NEB: variants seen among roughly 807,000 people sequenced by gnomAD.
NEB encodes nebulin, also known as nemaline myopathy type 2.
In NEB, 512 loss-of-function variants were observed where a neutral mutation model predicts 952.2. The observed-to-expected ratio is 0.54, with a 90% CI of 0.50 to 0.58. NEB has a LOEUF of 0.58. Among genes scored for constraint, NEB ranks in the 20% least tolerant of loss-of-function variants. The pLI is 0.00. For missense variants in NEB, 8,428 were observed against 9,231.1 expected (o/e 0.91, Z 3.56); for synonymous variants, 2,900 against 3,149.8 (o/e 0.92, Z 2.66).
At chr2:151,554,692 GTTTTTACTGTACCTT>G (rs1374844523) in intron 125 of NEB, among the ~76,000 whole-genome samples, 1 of 152,210 alleles carries the variant, frequency 6.6e-6, no homozygotes, top group Non-Finnish European at 1.5e-5. Context: ...ATAATGCTGA[GTTTTTACTGTACCTT>G]TTCTATGTTT....
intron 71 of NEB, among the ~76,000 whole-genome samples, chr2:151,621,904 T>C (rs931998717): frequency 6.6e-6 from 1 of 152,250 alleles, no homozygotes; most frequent in Non-Finnish European, 1.5e-5. Flanking sequence ...AAAAATTTAT[T>C]GGATCTCTTA....
intron 54 of NEB, among the ~76,000 whole-genome samples, chr2:151,646,523 G>C (rs1007960028): frequency 3.3e-5 from 5 of 152,136 alleles, no homozygotes; most frequent in African/African-American, 4.8e-5. Context: ...AATGAAACAG[G>C]CTTCTCCATC....
chr2:151,505,659 A>G, intron 164 of NEB, 89 bp from the exon 165 acceptor site: 2 of 1,041,076 alleles, frequency 1.9e-6, no homozygotes, highest in Admixed American at 3.5e-5. Context: ...GTAGCCCCCA[A>G]ATTAAAAAAA....
chr2:151,555,521 A>AG (rs2095595767), intron 124 of NEB, among the ~76,000 whole-genome samples: 1 of 152,194 alleles, frequency 6.6e-6, no homozygotes, highest in Non-Finnish European at 1.5e-5. Context: ...AGTTTCTACA[A>AG]GGCTTTCAAA....
At position 151,672,376 on chromosome 2, in the gene NEB, T is replaced by C; in HGVS notation, c.4292A>G (p.Gln1431Arg). 13 of 1,594,218 alleles carry C rather than the reference T, an allele frequency of 8.2e-6. No individual in the cohort carries two copies. The highest frequency in any genetic ancestry group is 1.1e-5 in the Non-Finnish European group (13 of 1,167,226). ...GTTGTTACACATACTTACATCACTC[T>C]GAATTTGATTGACATTCCTCGTATG... The part of the protein sequence containing the change: ...LEHTRNVNQI[Q>R]SDNVYKDEYN... The change falls in exon 37 of 182, where the codon CAG becomes CGG. Residue 1431 changes from glutamine to arginine, a missense_variant. Physicochemically the swap from Gln to Arg is conservative, Grantham distance 43. Around this residue, in one of 11 missense-constraint regions of NEB, gnomAD observed 2,851 missense variants for 2,791.5 expected, o/e 1.02. Transcript: ENST00000397345.
Position 151,492,470 on chromosome 2 carries a change from T to G in NEB, c.24790A>C (p.Lys8264Gln). ...TAGGCAGCTTTGCCTTGTATTTGTTTCCGGAAACTATCAGAATAAAGAACC... is the reference window on the plus strand; with the variant it reads ...TAGGCAGCTTTGCCTTGTATTTGTTGCCGGAAACTATCAGAATAAAGAACC... ...SSVLYSDSFRKQIQGKAAYVL... is the reference protein window; with the variant it reads ...SSVLYSDSFRQQIQGKAAYVL... Residue 8264 changes from lysine to glutamine, a missense_variant, in exon 177 of 182, where the codon AAA becomes CAA. This residue lies in a region of NEB where 3,374 missense variants were observed against 3,651.5 expected (regional missense o/e 0.92). Transcript: ENST00000397345. 1.2e-6 allele frequency: 2 copies of G among 1,613,512 alleles called. No individual in the cohort carries two copies. Among genetic ancestry groups the G allele is most frequent in the Non-Finnish European group, 1.7e-6 (2 of 1,179,638 alleles).
chr2:151,490,393 C>T lies in NEB; in HGVS notation c.25276G>A (p.Gly8426Ser). 6.3e-7 allele frequency: 1 copy of T among 1,591,858 alleles called. No individual in the cohort carries two copies. Among genetic ancestry groups the T allele is most frequent in the South Asian group, 1.1e-5 (1 of 87,436 alleles). The change falls in exon 180 of 182, where the codon GGT becomes AGT. Residue 8426 changes from glycine (G) to serine (S), a missense_variant. Coordinates refer to ENST00000397345, the MANE Select transcript of NEB (RefSeq NM_001164508.2). Reference sequence around the variant, plus strand: ...GTACCTGTTGAGACTGCAAAGACACCCCCGTCGCTGTAAGTCGAAAGGTGG... The same window carrying T: ...GTACCTGTTGAGACTGCAAAGACACTCCCGTCGCTGTAAGTCGAAAGGTGG... Reference protein sequence around the residue: ...DHHLSTYSDGGVFAVSTAYKH... With the variant: ...DHHLSTYSDGSVFAVSTAYKH...
At chr2:151,674,669 T>C (rs1030994062) in intron 35 of NEB, 85 bp from the exon 36 acceptor site, 3 of 1,011,448 alleles carry the variant, frequency 3.0e-6, no homozygotes, top group African/African-American at 3.1e-5. Flanking sequence ...CAGACAGAAG[T>C]TGAAGGAATC....
chr2:151,493,710 G>A lies in NEB; in HGVS notation c.24672+65C>T, dbSNP rs563269120. On this transcript the variant is annotated intron_variant, in intron 175 of 181. Transcript: ENST00000397345. ...TTTGGAAAAACTGTAAGATAAATTAGTGGTACAACCATGTTTGCCAGGGCT... is the reference window on the plus strand; with the variant it reads ...TTTGGAAAAACTGTAAGATAAATTAATGGTACAACCATGTTTGCCAGGGCT... 9.7e-5 allele frequency: 117 copies of A among 1,201,768 alleles called. 1 individual carries two copies. In the African/African-American group the frequency reaches 1.7e-3, roughly 17 times the overall value. 74.4% of individuals were successfully genotyped at this position (1,201,768 alleles called of 1,614,324 possible). A position where few individuals can be genotyped will look rare whatever the true frequency, so the allele number is the denominator to read the frequency against.
rs369042477 is a variant in NEB at position 151,497,281 on chromosome 2, A to G, written c.24301-248T>C. On this transcript the variant is annotated intron_variant, in intron 171 of 181. Transcript: ENST00000397345. ...AAAGGCTGTCAGAGTTATCCATGTT[A>G]TTTTTTTTTTTCCTTTTTTGTGAGT... 3.7e-5 allele frequency: 28 copies of G among 752,576 alleles called. No homozygotes were observed. In the East Asian group the frequency reaches 2.7e-3, roughly 73 times the overall value. 46.6% of individuals were successfully genotyped at this position (752,576 alleles called of 1,614,324 possible).
In NEB at chr2:151,733,263, T is replaced by C. The variant is rs146688470; in HGVS notation, c.-29-78A>G. ...AAATTATCTTATGACATTATAAAAATAGAATTTGAAGCTAAACTATTGTAC... is the reference window on the plus strand; with the variant it reads ...AAATTATCTTATGACATTATAAAAACAGAATTTGAAGCTAAACTATTGTAC... On this transcript the variant is annotated intron_variant, in intron 2 of 181. Coordinates refer to ENST00000397345, the MANE Select transcript of NEB (RefSeq NM_001164508.2). 1.2e-3 allele frequency: 1,279 copies of C among 1,071,380 alleles called. 2 individuals are homozygous for C. The highest frequency in any genetic ancestry group is 2.1e-3 in the Admixed American group (87 of 42,046). 66.4% of individuals were successfully genotyped at this position (1,071,380 alleles called of 1,614,324 possible). A position where few individuals can be genotyped will look rare whatever the true frequency, so the allele number is the denominator to read the frequency against.
In NEB at chr2:151,642,701, T is replaced by G. The variant is rs1241056840; in HGVS notation, c.8266-20A>C. 4.3e-6 allele frequency: 7 copies of G among 1,610,746 alleles called. No homozygotes were observed. The Admixed American group carries it at 1.0e-4, about 23-fold the overall frequency. On this transcript the variant is annotated intron_variant, in intron 59 of 181. Coordinates refer to ENST00000397345, the MANE Select transcript of NEB (RefSeq NM_001164508.2). ...CAATTTCTAAAATAGACATTAATAG[T>G]AAGTTGGATTTATAAAGTGCATTGT...
intron 127 of NEB, among the ~76,000 whole-genome samples, 197 bp from the exon 128 acceptor site, chr2:151,552,973 T>G (rs2095425367): frequency 6.6e-6 from 1 of 152,212 alleles, no homozygotes; most frequent in Admixed American, 6.5e-5. Flanking sequence ...CTAGGACACT[T>G]GATAACTACT....
chr2:151,492,511 C>A lies in NEB; in HGVS notation c.24766-17G>T. 1 of 1,564,654 alleles carries A rather than the reference C, an allele frequency of 6.4e-7. No homozygotes were observed. Among genetic ancestry groups the A allele is most frequent in the South Asian group, 1.1e-5 (1 of 89,606 alleles). ...ATAAAGAACCTGATGCAGGAGAGACCGTGAATGAGTGGTGCTGTCCTAAAT... is the reference window on the plus strand; with the variant it reads ...ATAAAGAACCTGATGCAGGAGAGACAGTGAATGAGTGGTGCTGTCCTAAAT... On this transcript the variant is annotated splice_polypyrimidine_tract_variant and intron_variant, in intron 176 of 181. Transcript: ENST00000397345.
chr2:151,535,892 TC>T (rs1391869799), intron 141 of NEB, 97 bp from the exon 142 acceptor site: 3 of 675,098 alleles, frequency 4.4e-6, no homozygotes, highest in Non-Finnish European at 7.4e-6. Context: ...GATAATTAAT[TC>T]ATAGAACTAA....
rs370976402 is a variant in NEB, at chr2:151,678,018, T to C, written c.3425A>G (p.Asp1142Gly). The C allele has an allele frequency of 1.9e-6, 3 of 1,613,990 alleles. No homozygotes were observed. The highest frequency in any genetic ancestry group is 2.2e-5 in the East Asian group (1 of 44,890). The change falls in exon 33 of 182, where the codon GAT becomes GGT. Residue 1142 changes from aspartate (D) to glycine (G), a missense_variant. This residue lies in a region of NEB where 2,851 missense variants were observed against 2,791.5 expected (regional missense o/e 1.02). Coordinates refer to ENST00000397345, the MANE Select transcript of NEB (RefSeq NM_001164508.2). ...KTKSKYNTPH[D>G]MFNVVAAKKA... ...CTTAGCCGCCACGACATTGAACATA[T>C]CATGGGGCGTGTTGTATTTGGACTT...
intron 75 of NEB, among the ~76,000 whole-genome samples, chr2:151,616,604 G>A (rs187638701): frequency 1.3e-5 from 2 of 152,268 alleles, no homozygotes; most frequent in Admixed American, 1.3e-4. Context: ...TGAGGCAGGA[G>A]AATTGCTTGA....
At chr2:151,617,688 A>G (rs2098248854) in intron 74 of NEB, among the ~76,000 whole-genome samples, 1 of 152,086 alleles carries the variant, frequency 6.6e-6, no homozygotes, top group Non-Finnish European at 1.5e-5. Flanking sequence ...GGATTGAAGT[A>G]TTTAAAATAA....
intron 161 of NEB, 29 bp from the exon 162 acceptor site, chr2:151,508,138 G>T: frequency 6.7e-7 from 1 of 1,495,406 alleles, no homozygotes; most frequent in Non-Finnish European, 9.2e-7. Flanking sequence ...AAATAAGGAG[G>T]GTAAACACCA....
Sources: gnomAD v4.1 joint callset for allele counts (sites outside exome capture counted in the v4.1 genomes callset) on GRCh38, gnomAD v4.1.1 for gene constraint, gnomAD v4.1.1 regional missense constraint, MANE v1.5 for transcripts, NCBI Gene and HGNC (gene_info 2026-07-23, HGNC 2026-07-21) for gene names.